Variants in MED27 observed in about 807,000 individuals in gnomAD.
MED27 encodes mediator complex subunit 27.
In MED27, 30 loss-of-function variants were observed where a neutral mutation model predicts 38.2. The ratio of observed to expected loss-of-function variants is 0.79; its 90% CI spans 0.59 to 1.07. MED27 has a LOEUF of 1.07. MED27 is among the 50% of genes least tolerant of loss of function. The pLI is 0.00. For missense variants in MED27, 289 were observed against 397.5 expected (o/e 0.73, Z 2.32); for synonymous variants, 122 against 153.5 (o/e 0.79, Z 1.52).
intron 3 of MED27, among the ~76,000 whole-genome samples, chr9:131,956,063 G>C (rs1162197701): frequency 1.3e-5 from 2 of 152,040 alleles, no homozygotes; most frequent in Non-Finnish European, 2.9e-5. Context: ...TGCAAAATTG[G>C]ACTAACATTC....
intron 3 of MED27, among the ~76,000 whole-genome samples, chr9:131,959,573 C>T (rs991164740): frequency 2.0e-5 from 3 of 152,194 alleles, no homozygotes; most frequent in Non-Finnish European, 4.4e-5. Context: ...GTTTCCTCTT[C>T]TTTAGACAAG....
chr9:131,980,687 G>A (rs919450261), intron 3 of MED27, among the ~76,000 whole-genome samples: 2 of 151,668 alleles, frequency 1.3e-5, no homozygotes, highest in African/African-American at 4.8e-5. Context: ...GTTTTAAAAC[G>A]GGCTTTGACT....
intron 2 of MED27, among the ~76,000 whole-genome samples, chr9:132,047,335 T>C (rs1315871309): frequency 1.3e-5 from 2 of 151,728 alleles, no homozygotes; most frequent in Non-Finnish European, 2.9e-5. Context: ...ACAGTTGGGG[T>C]CCCATCTGCA....
chr9:131,867,443 G>A (rs1838756984), intron 6 of MED27, among the ~76,000 whole-genome samples: 1 of 152,224 alleles, frequency 6.6e-6, no homozygotes, highest in African/African-American at 2.4e-5. Flanking sequence ...ACTACAGGAG[G>A]TTTGTCACTC....
chr9:131,940,760 A>G (rs1830772893), intron 3 of MED27, among the ~76,000 whole-genome samples: 3 of 152,208 alleles, frequency 2.0e-5, no homozygotes, highest in Non-Finnish European at 2.9e-5. Context: ...TATCTGTTAC[A>G]GTTTTATTCC....
chr9:132,068,882 G>T (rs2131161769), intron 2 of MED27, among the ~76,000 whole-genome samples: 1 of 152,302 alleles, frequency 6.6e-6, no homozygotes, highest in South Asian at 2.1e-4. Context: ...CAGAACAGAT[G>T]AGATGGCCCA....
intron 6 of MED27, among the ~76,000 whole-genome samples, chr9:131,866,772 C>G (rs62583307): frequency 0.11 from 16,451 of 152,296 alleles, 1,139 homozygotes; most frequent in Non-Finnish European, 0.16. Flanking sequence ...CATCGTTCAA[C>G]TAGAAACCCA....
chr9:132,064,821 T>C (rs1833774841), intron 2 of MED27, among the ~76,000 whole-genome samples: 1 of 152,178 alleles, frequency 6.6e-6, no homozygotes, highest in African/African-American at 2.4e-5. Flanking sequence ...CCCGGCACTC[T>C]GTCATGGTCC....
At chr9:132,015,424 A>G (rs1460397696) in intron 2 of MED27, among the ~76,000 whole-genome samples, 1 of 152,196 alleles carries the variant, frequency 6.6e-6, no homozygotes, top group Non-Finnish European at 1.5e-5. Flanking sequence ...TCAGTTTCTT[A>G]TTGGGAAAGA....
At chr9:131,987,869 C>A (rs1413986824) in intron 3 of MED27, among the ~76,000 whole-genome samples, 2 of 152,198 alleles carry the variant, frequency 1.3e-5, no homozygotes, top group Non-Finnish European at 2.9e-5. Context: ...CTGGGGATGG[C>A]CCCCGGTTCC....
intron 2 of MED27, among the ~76,000 whole-genome samples, chr9:132,060,149 T>C (rs537842493): frequency 6.6e-6 from 1 of 152,276 alleles, no homozygotes; most frequent in South Asian, 2.1e-4. Context: ...TCCATTTTTT[T>C]TGTAGAAGAA....
At chr9:131,915,198 C>G (rs1010912076) in intron 4 of MED27, among the ~76,000 whole-genome samples, 1 of 152,096 alleles carries the variant, frequency 6.6e-6, no homozygotes, top group South Asian at 2.1e-4. Context: ...AGATGAGGAG[C>G]AATCTATAAA....
intron 3 of MED27, among the ~76,000 whole-genome samples, chr9:131,962,754 T>A (rs1442694940): frequency 6.6e-6 from 1 of 152,224 alleles, no homozygotes; most frequent in Non-Finnish European, 1.5e-5. Flanking sequence ...TGGGTGCTAT[T>A]TTATGCTCAA....
At chr9:132,065,087 C>T (rs922589387) in intron 2 of MED27, among the ~76,000 whole-genome samples, 33 of 152,138 alleles carry the variant, frequency 2.2e-4, no homozygotes, top group African/African-American at 8.0e-4. Flanking sequence ...GCAAAAAGCA[C>T]ACTACCCAAA....
intron 4 of MED27, among the ~76,000 whole-genome samples, chr9:131,898,412 G>A (rs1238571460): frequency 2.6e-5 from 4 of 151,804 alleles, no homozygotes; most frequent in Non-Finnish European, 5.9e-5. Flanking sequence ...ACAGGGTTTC[G>A]CCATGTTGAC....
At chr9:131,929,200 G>C (rs760239338) in intron 4 of MED27, among the ~76,000 whole-genome samples, 1 of 152,194 alleles carries the variant, frequency 6.6e-6, no homozygotes, top group Non-Finnish European at 1.5e-5. Context: ...CCTTGGGCCC[G>C]GAATAACCAA....
intron 4 of MED27, among the ~76,000 whole-genome samples, chr9:131,928,679 C>G (rs1312770434): frequency 6.6e-6 from 1 of 152,248 alleles, no homozygotes; most frequent in Admixed American, 6.5e-5. Flanking sequence ...TGGACCAGTT[C>G]TGGCCAGAGA....
intron 4 of MED27, among the ~76,000 whole-genome samples, chr9:131,926,596 A>G (rs929628118): frequency 6.6e-6 from 1 of 152,146 alleles, no homozygotes; most frequent in Non-Finnish European, 1.5e-5. Context: ...TACGCTGGTG[A>G]CTCTTAGTCC....
Position 131,956,208 on chromosome 9 carries a change from T to A in MED27, c.480-16734A>T, listed in dbSNP as rs11793547. Among the ~76,000 whole-genome samples the A allele has an allele frequency of 9.3e-3, 1,416 of 152,282 alleles. 15 individuals carry two copies. Among genetic ancestry groups the A allele is most frequent in the Non-Finnish European group, 0.016 (1,083 of 68,022 alleles). The stretch of plus-strand genomic sequence containing the variant: ...GTCTGATTCCACTTTTAGGATATAC[T>A]TACAGAGGTCAAATCCATAGAGACA... On this transcript the variant is annotated intron_variant, in intron 3 of 7. Coordinates refer to ENST00000292035, the MANE Select transcript of MED27 (RefSeq NM_004269.4).
Sources: allele counts gnomAD v4.1 joint callset (sites outside exome capture counted in the v4.1 genomes callset), GRCh38; gene constraint gnomAD v4.1.1; transcripts MANE v1.5; gene names NCBI Gene and HGNC (gene_info 2026-07-23, HGNC 2026-07-21).